Variants in SERGEF observed in about 807,000 individuals in gnomAD.
SERGEF encodes secretion-regulating guanine nucleotide exchange factor.
SERGEF carries 51 observed loss-of-function variants against 50.0 expected under a neutral mutation model. The ratio of observed to expected loss-of-function variants is 1.02; its 90% CI spans 0.81 to 1.29. The LOEUF (loss-of-function observed/expected upper bound fraction) is 1.29. Ranked by LOEUF, SERGEF falls within the 50% of genes most tolerant of loss-of-function variation. The probability of loss-of-function intolerance (pLI) is 0.00; values close to 1 mark genes in which losing one functional copy is unlikely to be tolerated. For synonymous variants in SERGEF, 205 were observed against 212.4 expected (o/e 0.97, Z 0.30); for missense variants, 521 against 557.0 (o/e 0.94, Z 0.65).
intron 9 of SERGEF, among the ~76,000 whole-genome samples, chr11:17,931,470 A>T (rs1852350988): frequency 6.6e-6 from 1 of 152,098 alleles, no homozygotes; most frequent in Non-Finnish European, 1.5e-5. Context: ...CTCCATCCAA[A>T]CACATACCCA....
At position 17,888,888 on chromosome 11, in the gene SERGEF, A is replaced by G. The variant is rs1851482934; in HGVS notation, c.1012-10644T>C. On this transcript the variant is annotated intron_variant, in intron 9 of 10. Coordinates refer to ENST00000265965, the MANE Select transcript of SERGEF (RefSeq NM_012139.4). This position sits in a 1 kb window ranked among gnomAD's most constrained non-coding sequence, Gnocchi z 4.1. ...TTGTACCACGAAGTAAGAAAGTGAT[A>G]AAAGAGTAAAGGAGACGTGTCAAAA... is the stretch of plus-strand genomic sequence containing the variant. Among the ~76,000 whole-genome samples the G allele has an allele frequency of 6.6e-6, 1 of 152,202 alleles. No homozygotes were observed. Among genetic ancestry groups the G allele is most frequent in the Admixed American group, 6.5e-5 (1 of 15,282 alleles).
Position 17,991,941 on chromosome 11 carries a change from C to T in SERGEF, c.685+990G>A, listed in dbSNP as rs1276816946. 6.6e-6 allele frequency among the ~76,000 whole-genome samples: 1 copy of T among 152,142 alleles called. No individual in the cohort carries two copies. Among genetic ancestry groups the T allele is most frequent in the Non-Finnish European group, 1.5e-5 (1 of 68,034 alleles). On this transcript the variant is annotated intron_variant, in intron 7 of 10. Coordinates refer to ENST00000265965, the MANE Select transcript of SERGEF (RefSeq NM_012139.4). The surrounding 1 kb of genome is among the most constrained non-coding windows in gnomAD (Gnocchi z 4.9). ...ACATTCAACTCTGTGAGAGGTCTTACCAAACAAAATATTATAAATCTCTCA... is the reference window on the plus strand; with the variant it reads ...ACATTCAACTCTGTGAGAGGTCTTATCAAACAAAATATTATAAATCTCTCA...
intron 3 of SERGEF, among the ~76,000 whole-genome samples, chr11:18,005,145 A>G (rs1402754403): frequency 3.3e-5 from 5 of 152,220 alleles, no homozygotes; most frequent in African/African-American, 9.6e-5. Flanking sequence ...TTAATCTCCA[A>G]TACTGACTTC....
intron 9 of SERGEF, among the ~76,000 whole-genome samples, chr11:17,957,436 C>T (rs1273634740): frequency 6.6e-6 from 1 of 152,076 alleles, no homozygotes; most frequent in African/African-American, 2.4e-5. Flanking sequence ...ATCTAAGAAT[C>T]CTCTGTTCCT....
At position 17,964,358 on chromosome 11, in the gene SERGEF, G is replaced by A. The variant is rs117265249; in HGVS notation, c.845-4722C>T. On this transcript the variant is annotated intron_variant, in intron 8 of 10. Transcript: ENST00000265965. ...CTTCCTTTACCATCCATCAAGGGCT[G>A]CAGGTGCTGCAGCCATAGCTATAGG... Among the ~76,000 whole-genome samples, 181 of 152,156 alleles carry A rather than the reference G, an allele frequency of 1.2e-3. 4 individuals carry two copies. The East Asian group carries it at 0.023, about 19-fold the overall frequency.
At chr11:17,881,275 C>T (rs1851327871) in intron 9 of SERGEF, among the ~76,000 whole-genome samples, 1 of 152,226 alleles carries the variant, frequency 6.6e-6, no homozygotes, top group Non-Finnish European at 1.5e-5. Context: ...GACTGTAGAG[C>T]TGACCAGCCT....
intron 9 of SERGEF, among the ~76,000 whole-genome samples, chr11:17,895,338 G>C (rs1456560108): frequency 1.3e-5 from 2 of 152,236 alleles, no homozygotes; most frequent in East Asian, 1.9e-4. Flanking sequence ...ATCATAGCAA[G>C]TGTATACAAT....
At chr11:17,912,650 C>G (rs147004252) in intron 9 of SERGEF, among the ~76,000 whole-genome samples, 1 of 152,148 alleles carries the variant, frequency 6.6e-6, no homozygotes, top group Non-Finnish European at 1.5e-5. Flanking sequence ...TAAATAGATG[C>G]TATATTCCCA....
chr11:17,959,761 TC>T, intron 8 of SERGEF, 125 bp from the exon 9 acceptor site: 1 of 802,448 alleles, frequency 1.2e-6, no homozygotes, highest in East Asian at 2.7e-5. Context: ...CTTCCTATCT[TC>T]CTGTAAAGAA....
chr11:17,837,821 G>A (rs1400866483), intron 10 of SERGEF, among the ~76,000 whole-genome samples: 7 of 151,642 alleles, frequency 4.6e-5, no homozygotes, highest in South Asian at 2.1e-4. Context: ...CTGCCACCAC[G>A]CCCGGCTAAT....
At position 17,904,418 on chromosome 11, in the gene SERGEF, G is replaced by T. The variant is rs1035362358; in HGVS notation, c.1012-26174C>A. Among the ~76,000 whole-genome samples the T allele has an allele frequency of 5.3e-5, 8 of 152,198 alleles. No individual in the cohort carries two copies. In the East Asian group the frequency reaches 1.5e-3, roughly 29 times the overall value. On this transcript the variant is annotated intron_variant, in intron 9 of 10. Coordinates refer to ENST00000265965, the MANE Select transcript of SERGEF (RefSeq NM_012139.4). Reference sequence around the variant, plus strand: ...CCTCCACCATGCCAGACTGAGCCCCGCTGGGGCATTCGACTATAGCCACAG... The same window carrying T: ...CCTCCACCATGCCAGACTGAGCCCCTCTGGGGCATTCGACTATAGCCACAG...
At chr11:17,814,406 T>C (rs984984896) in intron 10 of SERGEF, among the ~76,000 whole-genome samples, 1 of 152,222 alleles carries the variant, frequency 6.6e-6, no homozygotes, top group Non-Finnish European at 1.5e-5. Context: ...ATCTCTACTA[T>C]GGATTTTAGA....
intron 8 of SERGEF, among the ~76,000 whole-genome samples, chr11:17,984,041 T>C (rs1020339373): frequency 2.0e-5 from 3 of 152,118 alleles, no homozygotes; most frequent in Admixed American, 6.5e-5. Flanking sequence ...TCAGATTACA[T>C]AGGACCTGTA....
chr11:17,802,843 G>T (rs923691195), intron 10 of SERGEF, among the ~76,000 whole-genome samples: 1 of 151,916 alleles, frequency 6.6e-6, no homozygotes, highest in Non-Finnish European at 1.5e-5. Flanking sequence ...TCTTTATACT[G>T]CTTAATTTTC....
chr11:17,992,243 C>G (rs1853727139), intron 7 of SERGEF, among the ~76,000 whole-genome samples: 1 of 151,848 alleles, frequency 6.6e-6, no homozygotes. Context: ...AAAATATTTA[C>G]AAAACTACAT....
intron 9 of SERGEF, among the ~76,000 whole-genome samples, chr11:17,899,661 C>T (rs1851707869): frequency 6.6e-6 from 1 of 152,096 alleles, no homozygotes; most frequent in African/African-American, 2.4e-5. Flanking sequence ...ATTCATCAAA[C>T]ATTTAATGAG....
At chr11:17,833,239 A>T (rs1850342844) in intron 10 of SERGEF, among the ~76,000 whole-genome samples, 1 of 152,186 alleles carries the variant, frequency 6.6e-6, no homozygotes, top group Non-Finnish European at 1.5e-5. Flanking sequence ...AAAGGGGCCA[A>T]CGTAGAGCTT....
At chr11:17,805,884 C>A (rs1161246540) in intron 10 of SERGEF, among the ~76,000 whole-genome samples, 2 of 152,160 alleles carry the variant, frequency 1.3e-5, no homozygotes, top group Non-Finnish European at 2.9e-5. Flanking sequence ...GAATGGAAAC[C>A]TTTTGTATGT....
chr11:17,885,241 T>C (rs374100701), intron 9 of SERGEF, among the ~76,000 whole-genome samples: 1 of 152,348 alleles, frequency 6.6e-6, no homozygotes, highest in East Asian at 1.9e-4. Flanking sequence ...GCTATCATCT[T>C]AGTTTAGTCC....
Sources: gnomAD v4.1 joint callset for allele counts (sites outside exome capture counted in the v4.1 genomes callset) on GRCh38, gnomAD v4.1.1 for gene constraint, Gnocchi (gnomAD v3.1) non-coding constraint, MANE v1.5 for transcripts, NCBI Gene and HGNC (gene_info 2026-07-23, HGNC 2026-07-21) for gene names.